OSBPL10: variants seen among roughly 807,000 people sequenced by gnomAD.
OSBPL10 encodes oxysterol binding protein like 10.
Under a neutral mutation model 81.7 loss-of-function variants are expected in OSBPL10, and 49 were observed. The observed-to-expected ratio is 0.60, with a 90% CI of 0.48 to 0.76. The LOEUF (loss-of-function observed/expected upper bound fraction) is 0.76. OSBPL10 is among the 30% of genes least tolerant of loss of function. OSBPL10 has a pLI of 0.00. For missense variants in OSBPL10, 923 were observed against 987.8 expected, an observed-to-expected ratio of 0.93 and a Z score of 0.88; for synonymous variants, 419 against 383.6, an observed-to-expected ratio of 1.09 and a Z score of -1.08.
chr3:31,846,295 C>T (rs1436004532), intron 3 of OSBPL10, among the ~76,000 whole-genome samples: 1 of 152,172 alleles, frequency 6.6e-6, no homozygotes, highest in Admixed American at 6.6e-5. Flanking sequence ...TTATAGGCAT[C>T]AGCCATTGCA....
intron 4 of OSBPL10, among the ~76,000 whole-genome samples, chr3:31,802,014 G>T (rs1216390334): frequency 6.6e-6 from 1 of 151,326 alleles, no homozygotes; most frequent in African/African-American, 2.4e-5. Flanking sequence ...GTAGAGATGG[G>T]GTTTCTCCAT....
At chr3:31,999,323 T>A (rs573242041) in intron 2 of OSBPL10, among the ~76,000 whole-genome samples, 1 of 152,014 alleles carries the variant, frequency 6.6e-6, no homozygotes, top group Non-Finnish European at 1.5e-5. Context: ...TGATTATTTA[T>A]GCTTTGGGAG....
intron 1 of OSBPL10, among the ~76,000 whole-genome samples, chr3:32,047,441 C>T (rs183577834): frequency 6.6e-6 from 1 of 152,234 alleles, no homozygotes; most frequent in East Asian, 1.9e-4. Context: ...GCAGGGATTT[C>T]CTGGAACTGA....
intron 3 of OSBPL10, among the ~76,000 whole-genome samples, chr3:31,860,952 C>G (rs1701044103): frequency 6.6e-6 from 1 of 150,830 alleles, no homozygotes. Context: ...CTCAAGTGAT[C>G]CGCCCACCTC....
intron 8 of OSBPL10, among the ~76,000 whole-genome samples, chr3:31,675,545 A>C (rs998362762): frequency 2.6e-5 from 4 of 152,210 alleles, no homozygotes; most frequent in South Asian, 2.1e-4. Flanking sequence ...CTCAGCTAAC[A>C]GCACTGCAGC....
intron 1 of OSBPL10, among the ~76,000 whole-genome samples, chr3:31,980,465 G>T (rs1387056232): frequency 6.6e-6 from 1 of 152,224 alleles, no homozygotes; most frequent in Non-Finnish European, 1.5e-5. Flanking sequence ...GTTACTTAGA[G>T]AATTACTGTA....
chr3:31,722,899 C>A (rs1202339266), intron 6 of OSBPL10, among the ~76,000 whole-genome samples: 4 of 151,816 alleles, frequency 2.6e-5, no homozygotes, highest in Non-Finnish European at 5.9e-5. Context: ...AAGTTATATA[C>A]ATTTCTTATA....
chr3:32,041,915 C>A (rs1423445859), intron 2 of OSBPL10, among the ~76,000 whole-genome samples: 1 of 152,154 alleles, frequency 6.6e-6, no homozygotes, highest in Non-Finnish European at 1.5e-5. Context: ...CTGCCTCAAC[C>A]TCCCAAAGTG....
At chr3:31,946,402 TCA>T (rs1491411950) in intron 1 of OSBPL10, among the ~76,000 whole-genome samples, 4 of 100,894 alleles carry the variant, frequency 4.0e-5, no homozygotes, top group Admixed American at 3.7e-4. Context: ...TTGTTTTTTA[TCA>T]AAAAAAAAAA....
At chr3:31,820,299 T>TA (rs1177999305) in intron 4 of OSBPL10, among the ~76,000 whole-genome samples, 6 of 152,090 alleles carry the variant, frequency 3.9e-5, no homozygotes, top group East Asian at 1.9e-4. Context: ...ATGGGGATAT[T>TA]AGAAAAAATA....
chr3:31,759,095 C>CTTTTTTTTTTTTTTTTTTTTTTT (rs1559452204), intron 4 of OSBPL10, among the ~76,000 whole-genome samples: 6 of 152,062 alleles, frequency 3.9e-5, no homozygotes, highest in African/African-American at 1.4e-4. Context: ...TTAGAAATTC[C>CTTTTTTTTTTTTTTTTTTTTTTT]ATTTGTCAGA....
chr3:31,967,920 T>C (rs1272026498), intron 1 of OSBPL10, among the ~76,000 whole-genome samples: 1 of 152,236 alleles, frequency 6.6e-6, no homozygotes, highest in Non-Finnish European at 1.5e-5. Flanking sequence ...AGATATATGC[T>C]CTATTCGGTG....
intron 2 of OSBPL10, among the ~76,000 whole-genome samples, chr3:32,021,628 T>C (rs1283229029): frequency 6.6e-6 from 1 of 152,190 alleles, no homozygotes; most frequent in Non-Finnish European, 1.5e-5. Flanking sequence ...CATTTGTATA[T>C]CTTCTTTAGT....
At chr3:32,036,543 C>T (rs1262295034) in intron 2 of OSBPL10, among the ~76,000 whole-genome samples, 1 of 152,152 alleles carries the variant, frequency 6.6e-6, no homozygotes, top group Non-Finnish European at 1.5e-5. Flanking sequence ...GGGTAAACCA[C>T]CAGTGCCTTC....
chr3:31,767,749 G>T (rs923570183), intron 4 of OSBPL10, among the ~76,000 whole-genome samples: 3 of 152,086 alleles, frequency 2.0e-5, no homozygotes. Context: ...TCAGGCTCTG[G>T]GTCTAGCCTC....
At chr3:31,683,530 A>C in intron 8 of OSBPL10, 104 bp downstream of exon 8, 1 of 1,477,384 alleles carries the variant, frequency 6.8e-7, no homozygotes. Context: ...AACCAGTTAA[A>C]AACAACAACA....
intron 2 of OSBPL10, among the ~76,000 whole-genome samples, chr3:32,026,061 A>AGATAGATAGAT (rs1423144479): frequency 1.2e-4 from 11 of 90,758 alleles, no homozygotes; most frequent in African/African-American, 3.9e-4. Context: ...GATAGATGAT[A>AGATAGATAGAT]GATAGATAGA....
chr3:32,001,873 C>T (rs1032087613), intron 2 of OSBPL10, among the ~76,000 whole-genome samples: 1 of 152,146 alleles, frequency 6.6e-6, no homozygotes, highest in Non-Finnish European at 1.5e-5. Context: ...TTATCCAATC[C>T]CAACTCTTGG....
At chr3:31,845,766 G>A (rs35104436) in intron 3 of OSBPL10, among the ~76,000 whole-genome samples, 33,909 of 152,058 alleles carry the variant, frequency 0.22, 4,660 homozygotes, top group Middle Eastern at 0.35. Context: ...CAGAGACAGG[G>A]CAACATGGGC....
Sources: gnomAD v4.1 joint callset for allele counts (sites outside exome capture counted in the v4.1 genomes callset) on GRCh38, gnomAD v4.1.1 for gene constraint, MANE v1.5 for transcripts, NCBI Gene and HGNC (gene_info 2026-07-23, HGNC 2026-07-21) for gene names.